The following SMIM35 variants were observed in gnomAD, a reference collection of about 807,000 sequenced individuals.
SMIM35 encodes small integral membrane protein 35.
chr11:118,054,988 A>G (rs745651393), intron 1 of SMIM35, among the ~76,000 whole-genome samples: 2 of 151,952 alleles, frequency 1.3e-5, no homozygotes, highest in Non-Finnish European at 2.9e-5. Context: ...ATTTTTTGGT[A>G]GAGGCAGGAT....
chr11:118,007,139 T>C (rs1394572207), intron 4 of SMIM35, among the ~76,000 whole-genome samples: 1 of 151,718 alleles, frequency 6.6e-6, no homozygotes, highest in Non-Finnish European at 1.5e-5. Context: ...TGGAACTGAT[T>C]AGAGTCCATC....
chr11:118,045,444 T>C (rs1346510451), intron 1 of SMIM35, among the ~76,000 whole-genome samples: 1 of 151,904 alleles, frequency 6.6e-6, no homozygotes, highest in Non-Finnish European at 1.5e-5. Flanking sequence ...CAGGTGATGA[T>C]AGGGTTTATG....
Position 118,046,157 on chromosome 11 carries a change from AG to A in SMIM35, c.8-30349del, listed in dbSNP as rs531197083. Among the ~76,000 whole-genome samples the A allele has an allele frequency of 6.6e-5, 10 of 152,194 alleles. No individual in the cohort carries two copies. The East Asian group carries it at 1.9e-3, about 29-fold the overall frequency. The stretch of plus-strand genomic sequence containing the variant: ...GTCCTCCTCTGGACAGAGACCAGTT[AG>A]GCACCAAGTACCCATAGAGATCTCC... On this transcript the variant is annotated intron_variant, in intron 1 of 4. Coordinates refer to ENST00000689828, the MANE Select transcript of SMIM35 (RefSeq NM_001394165.1).
At chr11:118,024,621 C>G (rs900172348) in intron 1 of SMIM35, among the ~76,000 whole-genome samples, 1 of 152,012 alleles carries the variant, frequency 6.6e-6, no homozygotes, top group Non-Finnish European at 1.5e-5. Context: ...TACAGCTGCC[C>G]GCCACCATGC....
In SMIM35 at chr11:118,003,816, C is replaced by A. The variant is rs947889; in HGVS notation, c.*2594G>T. On this transcript the variant is annotated 3_prime_UTR_variant, in exon 5 of 5. Transcript: ENST00000689828. Reference sequence around the variant, plus strand: ...ACACCAAGCAAATAAACACAACAAACGTATTACTACAATCAGTGATAAGTG... The same window carrying A: ...ACACCAAGCAAATAAACACAACAAAAGTATTACTACAATCAGTGATAAGTG... 6.6e-6 allele frequency: 1 copy of A among 151,990 alleles called. No homozygotes were observed. Among genetic ancestry groups the A allele is most frequent in the Admixed American group, 6.5e-5 (1 of 15,272 alleles). 9.4% of individuals were successfully genotyped at this position (151,990 alleles called of 1,614,324 possible). A position where few individuals can be genotyped will look rare whatever the true frequency, so the allele number is the denominator to read the frequency against.
chr11:118,030,830 G>A (rs529310472), intron 1 of SMIM35, among the ~76,000 whole-genome samples: 4 of 152,092 alleles, frequency 2.6e-5, no homozygotes, highest in African/African-American at 9.6e-5. Context: ...GGATTAGGAG[G>A]GCATCCATGG....
intron 4 of SMIM35, among the ~76,000 whole-genome samples, chr11:118,011,920 A>G (rs1176228151): frequency 1.3e-5 from 2 of 152,178 alleles, no homozygotes; most frequent in African/African-American, 4.8e-5. Context: ...CTCCAAATCC[A>G]GAGACTTGGT....
At position 118,072,230 on chromosome 11, in the gene SMIM35, C is replaced by CT. The variant is rs796637694; in HGVS notation, c.7+14520dup. ...GGCAGCCAGGCACCGTGGCTCACAC[C>CT]TGTAATCCCAGCACTTTGGGAGGCC... On this transcript the variant is annotated intron_variant, in intron 1 of 4. Coordinates refer to ENST00000689828, the MANE Select transcript of SMIM35 (RefSeq NM_001394165.1). Among the ~76,000 whole-genome samples, 3 of 152,150 alleles carry CT rather than the reference C, an allele frequency of 2.0e-5. No individual in the cohort carries two copies. In the South Asian group the frequency reaches 6.2e-4, roughly 32 times the overall value.
At chr11:118,081,742 A>T (rs1324386142) in intron 1 of SMIM35, among the ~76,000 whole-genome samples, 2 of 139,210 alleles carry the variant, frequency 1.4e-5, no homozygotes, top group Non-Finnish European at 3.1e-5. Context: ...TCTTCCTCTA[A>T]ATCTGTATGC....
chr11:118,035,090 C>A (rs935339272), intron 1 of SMIM35, among the ~76,000 whole-genome samples: 2 of 151,738 alleles, frequency 1.3e-5, no homozygotes, highest in African/African-American at 4.8e-5. Context: ...TAGCTGGGAC[C>A]GTAGGCATCC....
chr11:118,008,605 A>G (rs2058134578), intron 4 of SMIM35, among the ~76,000 whole-genome samples: 1 of 152,226 alleles, frequency 6.6e-6, no homozygotes, highest in African/African-American at 2.4e-5. Flanking sequence ...CTCTCTCAGA[A>G]ATGTAACTGA....
At chr11:118,019,901 C>T (rs923782154) in intron 1 of SMIM35, among the ~76,000 whole-genome samples, 2 of 152,272 alleles carry the variant, frequency 1.3e-5, no homozygotes, top group East Asian at 3.9e-4. Flanking sequence ...TATTGGTCTA[C>T]GTGTCTGTCA....
At chr11:118,050,051 C>G (rs1477320902) in intron 1 of SMIM35, among the ~76,000 whole-genome samples, 1 of 152,188 alleles carries the variant, frequency 6.6e-6, no homozygotes, top group East Asian at 1.9e-4. Flanking sequence ...TCTCTCAGTA[C>G]TGGAATGAGC....
chr11:118,029,865 G>A (rs1383425224), intron 1 of SMIM35: 2 of 450,176 alleles, frequency 4.4e-6, no homozygotes, highest in Non-Finnish European at 8.9e-6. Context: ...CTCCTGCATT[G>A]CTACCTCCAC....
At chr11:118,046,948 G>A (rs530324382) in intron 1 of SMIM35, among the ~76,000 whole-genome samples, 2 of 152,348 alleles carry the variant, frequency 1.3e-5, no homozygotes, top group South Asian at 2.1e-4. Flanking sequence ...ATTTGAAAAT[G>A]TATTGTTTTG....
intron 1 of SMIM35, among the ~76,000 whole-genome samples, chr11:118,047,038 A>G (rs1052768189): frequency 1.3e-5 from 2 of 152,172 alleles, no homozygotes; most frequent in Non-Finnish European, 2.9e-5. Flanking sequence ...TTACTTCCCT[A>G]AGCAAGATAA....
Position 118,084,294 on chromosome 11 carries a change from A to G in SMIM35, c.7+2457T>C, listed in dbSNP as rs1193932357. ...CTGTGCTCTGTGCACTGTAAAACAC[A>G]ACCTCTCCTAGCAAATGTAATTTCA... On this transcript the variant is annotated intron_variant, in intron 1 of 4. Transcript: ENST00000689828. Among the ~76,000 whole-genome samples the G allele has an allele frequency of 2.0e-5, 3 of 152,182 alleles. No individual in the cohort carries two copies. In the East Asian group the frequency reaches 5.8e-4, roughly 29 times the overall value.
chr11:118,036,991 T>G (rs1212441983), intron 1 of SMIM35, among the ~76,000 whole-genome samples: 2 of 152,142 alleles, frequency 1.3e-5, no homozygotes, highest in African/African-American at 4.8e-5. Flanking sequence ...TCCTTACTGG[T>G]TGGGTGTGAG....
chr11:118,072,884 A>G (rs1215538320), intron 1 of SMIM35, among the ~76,000 whole-genome samples: 2 of 152,196 alleles, frequency 1.3e-5, no homozygotes, highest in South Asian at 2.1e-4. Flanking sequence ...CATCTCTCTT[A>G]GGCACCAAAC....
Sources: gnomAD v4.1 joint callset for allele counts (sites outside exome capture counted in the v4.1 genomes callset) on GRCh38, gnomAD v4.1.1 for gene constraint, MANE v1.5 for transcripts, NCBI Gene and HGNC (gene_info 2026-07-23, HGNC 2026-07-21) for gene names.